DDX31: variants seen among roughly 807,000 people sequenced by gnomAD.
The protein encoded by DDX31 is ATP-dependent DNA helicase DDX31.
In DDX31, 70 loss-of-function variants were observed where a neutral mutation model predicts 91.3. That is an observed-to-expected ratio of 0.77 (90% CI 0.63 to 0.94). DDX31 has a LOEUF of 0.94. Ranked by LOEUF, DDX31 falls within the 40% of genes least tolerant of loss-of-function variation. The pLI is 0.00. For missense variants in DDX31, 902 were observed against 925.0 expected (o/e 0.98, Z 0.32); for synonymous variants, 362 against 350.6 (o/e 1.03, Z -0.36).
Position 132,595,041 on chromosome 9 carries a change from C to T in DDX31, c.2066G>A (p.Gly689Asp). Residue 689 changes from glycine to aspartate, a missense_variant, in exon 20 of 20, where the codon GGC becomes GAC. Gly to Asp is a moderately conservative substitution (Grantham distance 94). Coordinates refer to ENST00000372159, the MANE Select transcript of DDX31 (RefSeq NM_022779.9). This position sits in a 1 kb window ranked among gnomAD's most constrained non-coding sequence, Gnocchi z 4.6. ...AEILRSEYSS[G>D]MEADIAKVKK... ...GACCTTGGCGATGTCGGCCTCCATG[C>T]CGCTTGAGTATTCCGAACGTAGGAT... The T allele has an allele frequency of 6.2e-7, 1 of 1,614,206 alleles. No homozygotes were observed. Among genetic ancestry groups the T allele is most frequent in the Admixed American group, 1.7e-5 (1 of 60,022 alleles).
chr9:132,665,236 T>G (rs1659708455), intron 1 of DDX31, among the ~76,000 whole-genome samples: 1 of 152,176 alleles, frequency 6.6e-6, no homozygotes, highest in Non-Finnish European at 1.5e-5. Context: ...ACAATGGAAT[T>G]ATCCCTTTCC....
Position 132,595,101 on chromosome 9 carries a change from T to A in DDX31, c.2006A>T (p.His669Leu). Residue 669 changes from histidine (H) to leucine (L), a missense_variant, in exon 20 of 20, where the codon CAT becomes CTT. By Grantham distance (99) the His-to-Leu change is moderately conservative. Transcript: ENST00000372159. The surrounding 1 kb of genome is among the most constrained non-coding windows in gnomAD (Gnocchi z 4.6). ...RKAHVKRPDL[H>L]KKTQSKHSLA... is the part of the protein sequence containing the mutation. The stretch of plus-strand genomic sequence containing the variant: ...GCTGTGTTTACTCTGGGTCTTCTTA[T>A]GAAGGTCAGGCCTGAAGAACAGTAA... The A allele has an allele frequency of 6.2e-7, 1 of 1,614,078 alleles. No homozygotes were observed. The highest frequency in any genetic ancestry group is 1.3e-5 in the African/African-American group (1 of 75,046).
intron 19 of DDX31, among the ~76,000 whole-genome samples, chr9:132,599,786 C>A (rs1298857280): frequency 6.6e-6 from 1 of 152,206 alleles, no homozygotes; most frequent in East Asian, 1.9e-4. Flanking sequence ...CTAATCTGAA[C>A]GAGGCTGCTT....
chr9:132,660,273 T>G (rs1429718448), intron 4 of DDX31, among the ~76,000 whole-genome samples: 3 of 150,036 alleles, frequency 2.0e-5, no homozygotes, highest in Admixed American at 1.3e-4. Flanking sequence ...AGGCAGAGAT[T>G]GTAGTGAGCC....
At chr9:132,650,975 T>A in intron 8 of DDX31, 100 bp downstream of exon 8, 1 of 1,237,782 alleles carries the variant, frequency 8.1e-7, no homozygotes, top group South Asian at 1.4e-5. Flanking sequence ...CAAAAGGAAA[T>A]AATTCTTATC....
chr9:132,623,948 T>TG (rs1001267239), intron 17 of DDX31, among the ~76,000 whole-genome samples: 3 of 152,036 alleles, frequency 2.0e-5, no homozygotes, highest in Non-Finnish European at 2.9e-5. Context: ...GGGTGAATCA[T>TG]GGGGTCAGGA....
intron 19 of DDX31, among the ~76,000 whole-genome samples, chr9:132,610,182 G>T (rs1233433780): frequency 6.6e-6 from 1 of 152,186 alleles, no homozygotes; most frequent in Non-Finnish European, 1.5e-5. Flanking sequence ...AGCCAAGAGG[G>T]CCTGGGAGTA....
chr9:132,650,338 C>T (rs758239112), intron 8 of DDX31, 40 bp from the exon 9 acceptor site: 12 of 1,584,672 alleles, frequency 7.6e-6, no homozygotes, highest in Non-Finnish European at 1.0e-5. Flanking sequence ...GCAAAGCCCC[C>T]TTTACTAACA....
At chr9:132,669,694 A>G (rs1835597220) in intron 1 of DDX31, 166 bp downstream of exon 1, 1 of 1,533,676 alleles carries the variant, frequency 6.5e-7, no homozygotes, top group South Asian at 1.2e-5. Context: ...TGTTCCGGTT[A>G]GAGACACGTG....
chr9:132,596,532 C>T (rs1032076616), intron 19 of DDX31, among the ~76,000 whole-genome samples: 1 of 152,216 alleles, frequency 6.6e-6, no homozygotes, highest in Non-Finnish European at 1.5e-5. Context: ...GGGAAGACTT[C>T]CTGGGGTCTG....
chr9:132,641,971 C>G, intron 14 of DDX31, 33 bp downstream of exon 14: 1 of 1,599,904 alleles, frequency 6.3e-7, no homozygotes, highest in Non-Finnish European at 8.6e-7. Context: ...AGAAATGTAT[C>G]AGCCTTCACA....
chr9:132,656,034 GAGA>G (rs1429426085), intron 6 of DDX31, among the ~76,000 whole-genome samples: 9 of 152,076 alleles, frequency 5.9e-5, no homozygotes, highest in African/African-American at 1.9e-4. Context: ...TTACTACATA[GAGA>G]AGAAGAAAGA....
intron 14 of DDX31, chr9:132,638,101 C>A: frequency 7.4e-7 from 1 of 1,355,148 alleles, no homozygotes. Context: ...CGCCGGACAG[C>A]CAAGGAGGAT....
At chr9:132,624,544 C>T (rs1832273767) in intron 17 of DDX31, among the ~76,000 whole-genome samples, 1 of 152,192 alleles carries the variant, frequency 6.6e-6, no homozygotes, top group South Asian at 2.1e-4. Context: ...AATATATGTG[C>T]TTTGAAGTTA....
At chr9:132,626,154 A>AT (rs1349272705) in intron 16 of DDX31, among the ~76,000 whole-genome samples, 8 of 146,408 alleles carry the variant, frequency 5.5e-5, no homozygotes, top group Non-Finnish European at 1.2e-4. Flanking sequence ...AAAAAAAAAA[A>AT]GGAAGAAAAG....
At chr9:132,659,505 T>C (rs1834798710) in intron 5 of DDX31, among the ~76,000 whole-genome samples, 1 of 152,200 alleles carries the variant, frequency 6.6e-6, no homozygotes, top group African/African-American at 2.4e-5. Context: ...GACTACTTCC[T>C]AATCATTTCT....
rs1312529963 is a variant in DDX31 at position 132,594,976 on chromosome 9, G to A, written c.2131C>T (p.Leu711=). Residue 711 remains leucine (L), a synonymous_variant, in exon 20 of 20, where the codon CTG becomes TTG. Coordinates refer to ENST00000372159, the MANE Select transcript of DDX31 (RefSeq NM_022779.9). ...NAPGEPGGRP[L]QHSLQPTPCF... ...GGTGTCGGCTGCAGACTGTGCTGCA[G>A]GGGCCGGCCACCAGGCTCTCCAGGT... 1.2e-6 allele frequency: 2 copies of A among 1,614,184 alleles called. No homozygotes were observed. The highest frequency in any genetic ancestry group is 1.1e-5 in the South Asian group (1 of 91,088).
intron 1 of DDX31, among the ~76,000 whole-genome samples, chr9:132,668,489 G>A (rs1435721559): frequency 6.6e-6 from 1 of 151,870 alleles, no homozygotes; most frequent in Non-Finnish European, 1.5e-5. Context: ...CTTATTCTGA[G>A]CCAAGTATGA....
At chr9:132,665,072 C>T (rs939090027) in intron 1 of DDX31, among the ~76,000 whole-genome samples, 4 of 152,160 alleles carry the variant, frequency 2.6e-5, no homozygotes, top group African/African-American at 9.7e-5. Context: ...AAGCATAGCA[C>T]GGAACTCGTT....
Sources: gnomAD v4.1 joint callset for allele counts (sites outside exome capture counted in the v4.1 genomes callset) on GRCh38, gnomAD v4.1.1 for gene constraint, Gnocchi (gnomAD v3.1) non-coding constraint, MANE v1.5 for transcripts, NCBI Gene and HGNC (gene_info 2026-07-23, HGNC 2026-07-21) for gene names.